The following CAND1 variants were observed in gnomAD, a reference collection of about 807,000 sequenced individuals.
CAND1 encodes cullin-associated NEDD8-dissociated protein 1.
Under a neutral mutation model 108.5 loss-of-function variants are expected in CAND1, and 7 were observed. The ratio of observed to expected loss-of-function variants is 0.06; its 90% CI spans 0.04 to 0.12. CAND1 has a LOEUF of 0.12. Ranked by LOEUF, CAND1 falls within the 10% of genes least tolerant of loss-of-function variation. The pLI, the probability that CAND1 is intolerant of heterozygous loss-of-function variation, is 1.00. For missense variants in CAND1, 941 were observed against 1,448.7 expected (o/e 0.65, Z 5.69); for synonymous variants, 534 against 512.0 (o/e 1.04, Z -0.58).
At chr12:67,289,314 G>A (rs1441920819) in intron 2 of CAND1, among the ~76,000 whole-genome samples, 1 of 152,118 alleles carries the variant, frequency 6.6e-6, no homozygotes, top group Non-Finnish European at 1.5e-5. Context: ...CGCCTCCCAG[G>A]TTCAAGTGAT....
intron 3 of CAND1, among the ~76,000 whole-genome samples, chr12:67,293,996 C>G (rs1219070832): frequency 6.6e-6 from 1 of 152,074 alleles, no homozygotes; most frequent in Non-Finnish European, 1.5e-5. Context: ...AGATTCAAAT[C>G]CATTTTCTTT....
chr12:67,282,810 TACG>T (rs2135995780), intron 2 of CAND1, among the ~76,000 whole-genome samples: 1 of 152,334 alleles, frequency 6.6e-6, no homozygotes, highest in Admixed American at 6.5e-5. Flanking sequence ...ATACATATGA[TACG>T]ATAGTTACAG....
chr12:67,304,248 A>G (rs1374400114), intron 8 of CAND1, among the ~76,000 whole-genome samples: 2 of 152,150 alleles, frequency 1.3e-5, no homozygotes, highest in African/African-American at 4.8e-5. Context: ...TCAGCCTCCC[A>G]AAGTGCTGGG....
In CAND1 at chr12:67,312,748, C is replaced by G. The variant is rs1396666122; in HGVS notation, c.3611C>G (p.Ser1204Cys). Residue 1204 changes from serine to cysteine, a missense_variant, in exon 15 of 15, where the codon TCT becomes TGT. Around this residue, in one of 9 missense-constraint regions of CAND1, gnomAD observed 39 missense variants for 51.3 expected, o/e 0.76. Coordinates refer to ENST00000545606, the MANE Select transcript of CAND1 (RefSeq NM_018448.5). ...LMSEFQSQIS[S>C]NPELAAIFES... ...AGTGAATTCCAGTCACAGATCAGTTCTAACCCTGAGCTGGCGGCTATCTTT... is the reference window on the plus strand; with the variant it reads ...AGTGAATTCCAGTCACAGATCAGTTGTAACCCTGAGCTGGCGGCTATCTTT... The G allele has an allele frequency of 2.5e-6, 4 of 1,613,848 alleles. No individual in the cohort carries two copies. Among genetic ancestry groups the G allele is most frequent in the Non-Finnish European group, 2.5e-6 (3 of 1,179,830 alleles).
chr12:67,298,218 C>T (rs1054360244), intron 6 of CAND1, among the ~76,000 whole-genome samples: 17 of 152,112 alleles, frequency 1.1e-4, no homozygotes, highest in Non-Finnish European at 1.8e-4. Context: ...TTTCTTAGGT[C>T]ACATCCATTT....
chr12:67,301,388 A>G (rs1005025282), intron 7 of CAND1, among the ~76,000 whole-genome samples: 1 of 152,202 alleles, frequency 6.6e-6, no homozygotes, highest in Non-Finnish European at 1.5e-5. Flanking sequence ...TTTCAAGGCT[A>G]TGTATAGTCT....
intron 2 of CAND1, among the ~76,000 whole-genome samples, chr12:67,285,592 A>G (rs2044662997): frequency 6.6e-6 from 1 of 152,220 alleles, no homozygotes. Context: ...GAGGTAAAAT[A>G]GAATGTAAAG....
In CAND1 at chr12:67,318,996, G is replaced by A. The variant is rs1316441127; in HGVS notation, c.*6166G>A. 6.6e-6 allele frequency: 1 copy of A among 152,158 alleles called. No homozygotes were observed. Among genetic ancestry groups the A allele is most frequent in the East Asian group, 1.9e-4 (1 of 5,192 alleles). 9.4% of individuals were successfully genotyped at this position (152,158 alleles called of 1,614,324 possible). On this transcript the variant is annotated 3_prime_UTR_variant, in exon 15 of 15. Transcript: ENST00000545606. ...AAGACTTATTAAAACAGATCGCTGGGCCCTACACCCAGAGGCTGTGGTTCA... is the reference window on the plus strand; with the variant it reads ...AAGACTTATTAAAACAGATCGCTGGACCCTACACCCAGAGGCTGTGGTTCA...
chr12:67,276,248 C>T (rs1389291711), intron 1 of CAND1, among the ~76,000 whole-genome samples: 1 of 152,202 alleles, frequency 6.6e-6, no homozygotes, highest in Non-Finnish European at 1.5e-5. Flanking sequence ...AGAGACTGCT[C>T]TCCTAAAATC....
intron 2 of CAND1, 119 bp downstream of exon 2, chr12:67,282,172 G>A: frequency 1.9e-6 from 2 of 1,063,720 alleles, no homozygotes; most frequent in Middle Eastern, 2.2e-4. Flanking sequence ...GTGTGTGTGT[G>A]TAGAATTTTT....
intron 14 of CAND1, among the ~76,000 whole-genome samples, chr12:67,312,347 G>T (rs1438107460): frequency 6.6e-6 from 1 of 151,984 alleles, no homozygotes; most frequent in African/African-American, 2.4e-5. Flanking sequence ...TTGAAACAAA[G>T]AGTGTCCTAC....
chr12:67,269,547 AG>A lies in CAND1; in HGVS notation c.-166del, dbSNP rs1296061134. ...GGGACAGGCCCACGCCTCGCCAGGG[AG>A]GGGGCAGCCCGTCGAGGCGCCTCCC... On this transcript the variant is annotated 5_prime_UTR_variant, in exon 1 of 15. Coordinates refer to ENST00000545606, the MANE Select transcript of CAND1 (RefSeq NM_018448.5). 6 of 577,798 alleles carry A rather than the reference AG, an allele frequency of 1.0e-5. No individual in the cohort carries two copies. In the Admixed American group the frequency reaches 2.2e-4, roughly 21 times the overall value. The allele number at this position is 577,798 out of a possible 1,614,324, so 35.8% of individuals were successfully genotyped here. A position where few individuals can be genotyped will look rare whatever the true frequency, so the allele number is the denominator to read the frequency against.
At chr12:67,291,342 C>A (rs961701893) in intron 2 of CAND1, among the ~76,000 whole-genome samples, 1 of 152,096 alleles carries the variant, frequency 6.6e-6, no homozygotes, top group Non-Finnish European at 1.5e-5. Context: ...ATATAAAAGG[C>A]ACATTGTTTT....
intron 1 of CAND1, among the ~76,000 whole-genome samples, chr12:67,279,482 G>C (rs2044600581): frequency 6.6e-6 from 1 of 152,156 alleles, no homozygotes; most frequent in Non-Finnish European, 1.5e-5. Context: ...CCAGAACTTT[G>C]TGATTTCAGG....
At position 67,319,183 on chromosome 12, in the gene CAND1, T is replaced by C. The variant is rs1181944127; in HGVS notation, c.*6353T>C. ...CTGCAAAACAATGGTCCTGACCATT[T>C]CATCTTTGCACTACATCCTTCACTG... is the stretch of plus-strand genomic sequence containing the variant. On this transcript the variant is annotated 3_prime_UTR_variant, in exon 15 of 15. Transcript: ENST00000545606. 1.3e-5 allele frequency: 2 copies of C among 152,238 alleles called. No homozygotes were observed. The highest frequency in any genetic ancestry group is 2.4e-5 in the African/African-American group (1 of 41,454). The allele number at this position is 152,238 out of a possible 1,614,324, so 9.4% of individuals were successfully genotyped here. A position where few individuals can be genotyped will look rare whatever the true frequency, so the allele number is the denominator to read the frequency against.
At chr12:67,304,125 G>A (rs534323253) in intron 8 of CAND1, among the ~76,000 whole-genome samples, 128 of 151,884 alleles carry the variant, frequency 8.4e-4, no homozygotes, top group African/African-American at 2.9e-3. Flanking sequence ...GAGTAGCTGG[G>A]AGTACAGGCA....
intron 11 of CAND1, among the ~76,000 whole-genome samples, chr12:67,307,959 G>T (rs181129066): frequency 1.1e-4 from 17 of 152,064 alleles, no homozygotes; most frequent in South Asian, 4.1e-4. Context: ...AAAAATAAAG[G>T]GGGGGAGAGC....
At position 67,306,374 on chromosome 12, in the gene CAND1, A is replaced by T. The variant is rs369499522; in HGVS notation, c.2706A>T (p.Gln902His). 6.2e-7 allele frequency: 1 copy of T among 1,614,038 alleles called. No individual in the cohort carries two copies. Among genetic ancestry groups the T allele is most frequent in the South Asian group, 1.1e-5 (1 of 91,070 alleles). ...LPFVLQEITSQPKRQYLLLHS... is the reference protein window; with the variant it reads ...LPFVLQEITSHPKRQYLLLHS... ...TTGTCCTGCAAGAAATAACTAGTCA[A>T]CCCAAAAGGCAGTATCTTTTACTTC... The change falls in exon 10 of 15, where the codon CAA (glutamine) becomes CAT (histidine). Residue 902 changes from glutamine (Q) to histidine (H), a missense_variant. Gln to His is a conservative substitution (Grantham distance 24, BLOSUM62 0). Around this residue, in one of 9 missense-constraint regions of CAND1, gnomAD observed 697 missense variants for 942.0 expected, o/e 0.74. Transcript: ENST00000545606.
At position 67,297,595 on chromosome 12, in the gene CAND1, C is replaced by G; in HGVS notation, c.680C>G (p.Ser227Cys). Residue 227 changes from serine (S) to cysteine (C), a missense_variant, in exon 5 of 15, where the codon TCT becomes TGT. Around this residue, in one of 9 missense-constraint regions of CAND1, gnomAD observed 697 missense variants for 942.0 expected, o/e 0.74. Coordinates refer to ENST00000545606, the MANE Select transcript of CAND1 (RefSeq NM_018448.5). ...TTGTCAGAGTTGTCCAAAAATGATT[C>G]TATGTCAACAACAAGAACCTACATA... ...HLLSELSKND[S>C]MSTTRTYIQC... 2 of 1,613,904 alleles carry G rather than the reference C, an allele frequency of 1.2e-6. No individual in the cohort carries two copies. Among genetic ancestry groups the G allele is most frequent in the East Asian group, 2.2e-5 (1 of 44,874 alleles).
Sources: allele counts gnomAD v4.1 joint callset (sites outside exome capture counted in the v4.1 genomes callset), GRCh38; gene constraint gnomAD v4.1.1; regional missense constraint gnomAD v4.1.1; transcripts MANE v1.5; gene names NCBI Gene and HGNC (gene_info 2026-07-23, HGNC 2026-07-21).